The following PCBP3 variants were observed in gnomAD, a reference collection of about 807,000 sequenced individuals.
The protein encoded by PCBP3 is poly(rC)-binding protein 3.
A neutral mutation model predicts 52.7 loss-of-function variants in PCBP3; 25 were observed. The ratio of observed to expected loss-of-function variants is 0.47; its 90% CI spans 0.35 to 0.66. PCBP3 has a LOEUF of 0.66. Among genes scored for constraint, PCBP3 ranks in the 30% least tolerant of loss-of-function variants. The pLI, the probability that PCBP3 is intolerant of heterozygous loss-of-function variation, is 0.01. For missense variants in PCBP3, 391 were observed against 490.3 expected (o/e 0.80, Z 1.91); for synonymous variants, 162 against 183.0 (o/e 0.89, Z 0.93).
intron 2 of PCBP3, among the ~76,000 whole-genome samples, chr21:45,684,055 C>CAAAA (rs71334088): frequency 1.3e-4 from 10 of 78,420 alleles, no homozygotes; most frequent in Non-Finnish European, 1.6e-4. Flanking sequence ...CCCATCTCTA[C>CAAAA]AAAAAAAAAA....
intron 13 of PCBP3, among the ~76,000 whole-genome samples, chr21:45,922,355 A>G (rs2074560849): frequency 6.6e-6 from 1 of 152,164 alleles, no homozygotes; most frequent in Non-Finnish European, 1.5e-5. Flanking sequence ...GGAGTTGGAG[A>G]CCAGGTTGGA....
chr21:45,823,266 G>A (rs1204398329), intron 4 of PCBP3, among the ~76,000 whole-genome samples: 5 of 152,114 alleles, frequency 3.3e-5, no homozygotes, highest in African/African-American at 4.8e-5. Flanking sequence ...CCCAGCGCCC[G>A]CTGGCATGGC....
intron 5 of PCBP3, among the ~76,000 whole-genome samples, chr21:45,876,692 C>T (rs1320154242): frequency 2.0e-5 from 3 of 152,208 alleles, no homozygotes; most frequent in Admixed American, 1.3e-4. Flanking sequence ...TCATTTCCGC[C>T]GTCCTGGCCT....
chr21:45,811,250 A>T (rs978722557), intron 4 of PCBP3, among the ~76,000 whole-genome samples: 2 of 152,230 alleles, frequency 1.3e-5, no homozygotes, highest in Non-Finnish European at 2.9e-5. Context: ...AGTTCTGCTG[A>T]TGAGAGCCCC....
At chr21:45,900,695 CT>C (rs2096010482) in intron 8 of PCBP3, 72 bp downstream of exon 8, 1 of 1,082,580 alleles carries the variant, frequency 9.2e-7, no homozygotes. Context: ...GGCTCTGCCC[CT>C]GCCGACGTCC....
chr21:45,884,234 C>A (rs1027763614), intron 5 of PCBP3, among the ~76,000 whole-genome samples: 5 of 152,120 alleles, frequency 3.3e-5, no homozygotes, highest in Admixed American at 6.6e-5. Flanking sequence ...TCGCACCCAG[C>A]CTCATTTTTA....
intron 4 of PCBP3, among the ~76,000 whole-genome samples, chr21:45,784,488 C>G (rs1380961697): frequency 1.3e-5 from 2 of 152,120 alleles, no homozygotes; most frequent in Non-Finnish European, 2.9e-5. Context: ...TACCCTCTTT[C>G]CACTGTCTCC....
At chr21:45,774,550 T>C (rs2090118261) in intron 4 of PCBP3, among the ~76,000 whole-genome samples, 1 of 152,194 alleles carries the variant, frequency 6.6e-6, no homozygotes, top group Admixed American at 6.5e-5. Context: ...GGACTTCCAG[T>C]ATTATGTTGA....
intron 2 of PCBP3, among the ~76,000 whole-genome samples, chr21:45,710,709 T>C (rs1203335840): frequency 6.6e-6 from 1 of 152,238 alleles, no homozygotes; most frequent in Admixed American, 6.5e-5. Context: ...TCTTGTGTAG[T>C]GCACACTTAA....
At chr21:45,862,191 G>A (rs2094537320) in intron 5 of PCBP3, among the ~76,000 whole-genome samples, 1 of 18,970 alleles carries the variant, frequency 5.3e-5, no homozygotes, top group East Asian at 9.4e-3. Flanking sequence ...TGGGGCGGGT[G>A]GGGGGACACG....
At chr21:45,895,166 C>T (rs189118820) in intron 5 of PCBP3, among the ~76,000 whole-genome samples, 25 of 152,348 alleles carry the variant, frequency 1.6e-4, no homozygotes, top group East Asian at 1.3e-3. Flanking sequence ...GCAGTTGGAA[C>T]GGGCTTTACG....
intron 10 of PCBP3, among the ~76,000 whole-genome samples, chr21:45,909,805 A>T: frequency 2.8e-5 from 1 of 35,762 alleles, no homozygotes; most frequent in Non-Finnish European, 5.1e-5. Context: ...CCCCCCACCC[A>T]CTGCCCAGAT....
chr21:45,921,888 C>T (rs771468756), intron 13 of PCBP3, among the ~76,000 whole-genome samples: 2 of 152,140 alleles, frequency 1.3e-5, no homozygotes, highest in Admixed American at 6.5e-5. Flanking sequence ...ACGCCACATG[C>T]ATCATTTTAC....
chr21:45,663,654 TTTG>T (rs2080568639), intron 1 of PCBP3, among the ~76,000 whole-genome samples: 1 of 152,186 alleles, frequency 6.6e-6, no homozygotes, highest in East Asian at 1.9e-4. Context: ...TCCCCAGTGT[TTTG>T]TTAACTTTTC....
intron 2 of PCBP3, among the ~76,000 whole-genome samples, chr21:45,700,085 G>C (rs1310748586): frequency 6.6e-6 from 1 of 152,170 alleles, no homozygotes; most frequent in Non-Finnish European, 1.5e-5. Context: ...TGAGGGACAG[G>C]ACCCATGCAT....
chr21:45,852,548 C>T (rs1038375362), intron 5 of PCBP3, among the ~76,000 whole-genome samples: 58 of 128,514 alleles, frequency 4.5e-4, no homozygotes, highest in Middle Eastern at 5.1e-3. Context: ...CCTGCAGCCA[C>T]CCTGACTTTT....
chr21:45,880,856 G>C lies in PCBP3; in HGVS notation c.11-15352G>C, dbSNP rs779069799. Among the ~76,000 whole-genome samples the C allele has an allele frequency of 2.0e-5, 3 of 152,338 alleles. No individual in the cohort carries two copies. The highest frequency in any genetic ancestry group is 3.9e-4 in the East Asian group (2 of 5,182). On this transcript the variant is annotated intron_variant, in intron 5 of 17. Coordinates refer to ENST00000681687, the MANE Select transcript of PCBP3 (RefSeq NM_001384156.1). The surrounding 1 kb of genome is among the most constrained non-coding windows in gnomAD (Gnocchi z 5.4). ...GGGAGCAGTGACAAACAAGACCAAG[G>C]GGGTAGGTGCTGGGCTCTGGACGGG...
chr21:45,851,617 GGATAGATAGATA>G (rs578203325), intron 5 of PCBP3, among the ~76,000 whole-genome samples: 1 of 148,268 alleles, frequency 6.7e-6, no homozygotes. Context: ...ATAGATGGAT[GGATAGATAGATA>G]GATAGATAGA....
intron 2 of PCBP3, among the ~76,000 whole-genome samples, chr21:45,732,152 A>G (rs1279043337): frequency 6.6e-6 from 1 of 152,150 alleles, no homozygotes; most frequent in Non-Finnish European, 1.5e-5. Flanking sequence ...TACTATGTAT[A>G]GTATTCCAGG....
Sources: gnomAD v4.1 joint callset for allele counts (sites outside exome capture counted in the v4.1 genomes callset) on GRCh38, gnomAD v4.1.1 for gene constraint, Gnocchi (gnomAD v3.1) non-coding constraint, MANE v1.5 for transcripts, NCBI Gene and HGNC (gene_info 2026-07-23, HGNC 2026-07-21) for gene names.